Variants in APBB1 observed in about 807,000 individuals in gnomAD.
The protein encoded by APBB1 is adaptor protein FE65a2.
APBB1 carries 22 observed loss-of-function variants against 78.4 expected under a neutral mutation model. That is an observed-to-expected ratio of 0.28 (90% CI 0.20 to 0.40). The LOEUF (loss-of-function observed/expected upper bound fraction) is 0.40, where lower values mean the gene tolerates loss of function less well. Among genes scored for constraint, APBB1 ranks in the 10% least tolerant of loss-of-function variants. APBB1 has a pLI of 1.00. For missense variants in APBB1, 749 were observed against 932.4 expected, an observed-to-expected ratio of 0.80 and a Z score of 2.56; for synonymous variants, 369 against 372.7, an observed-to-expected ratio of 0.99 and a Z score of 0.12.
intron 12 of APBB1, among the ~76,000 whole-genome samples, chr11:6,399,459 T>A (rs1848387282): frequency 6.6e-6 from 1 of 152,206 alleles, no homozygotes; most frequent in Admixed American, 6.5e-5. Flanking sequence ...TTAGGAGTCA[T>A]CCTTGTCCCT....
rs915435526 is a variant in APBB1 at position 6,395,436 on chromosome 11, C to T, written c.*98G>A. The T allele has an allele frequency of 7.5e-7, 1 of 1,338,828 alleles. No homozygotes were observed. The highest frequency in any genetic ancestry group is 3.3e-5 in the Admixed American group (1 of 30,622). 82.9% of individuals were successfully genotyped at this position (1,338,828 alleles called of 1,614,324 possible). ...ACTGGGGAGGGGCATATTTGGGAGGCCTGAGGCCTAGGAATAGCCTCTAGA... is the reference window on the plus strand; with the variant it reads ...ACTGGGGAGGGGCATATTTGGGAGGTCTGAGGCCTAGGAATAGCCTCTAGA... On this transcript the variant is annotated 3_prime_UTR_variant, in exon 15 of 15. Coordinates refer to ENST00000609360, the MANE Select transcript of APBB1 (RefSeq NM_001164.5). This position sits in a 1 kb window ranked among gnomAD's most constrained non-coding sequence, Gnocchi z 5.2.
intron 12 of APBB1, among the ~76,000 whole-genome samples, chr11:6,399,184 C>G (rs1334024599): frequency 6.6e-6 from 1 of 152,164 alleles, no homozygotes; most frequent in Non-Finnish European, 1.5e-5. Flanking sequence ...TTTCCAGGGC[C>G]AAGCTACTCT....
intron 12 of APBB1, among the ~76,000 whole-genome samples, chr11:6,398,905 T>A (rs1291933832): frequency 6.6e-6 from 1 of 152,266 alleles, no homozygotes; most frequent in African/African-American, 2.4e-5. Context: ...CTCCCAGGTC[T>A]AGCTTTCCTG....
chr11:6,395,502 C>T lies in APBB1; in HGVS notation c.*32G>A. ...CACCCTTTAGTTCCCTGGGGCCCAA[C>T]ACAAGCAGGTGGAGGGAAGGTGGGG... On this transcript the variant is annotated 3_prime_UTR_variant, in exon 15 of 15. Coordinates refer to ENST00000609360, the MANE Select transcript of APBB1 (RefSeq NM_001164.5). The surrounding 1 kb of genome is among the most constrained non-coding windows in gnomAD (Gnocchi z 5.2). 2.0e-6 allele frequency: 3 copies of T among 1,514,300 alleles called. No individual in the cohort carries two copies. The highest frequency in any genetic ancestry group is 2.6e-6 in the Non-Finnish European group (3 of 1,132,428). 93.8% of individuals were successfully genotyped at this position (1,514,300 alleles called of 1,614,324 possible).
chr11:6,405,355 G>A, intron 2 of APBB1: 1 of 986,814 alleles, frequency 1.0e-6, no homozygotes, highest in South Asian at 4.7e-5. Flanking sequence ...GGCTGGGCTT[G>A]GGGCTTCCCA....
chr11:6,406,508 C>G (rs1295793635), intron 2 of APBB1, among the ~76,000 whole-genome samples: 2 of 152,294 alleles, frequency 1.3e-5, no homozygotes, highest in East Asian at 3.9e-4. Flanking sequence ...TTCTGAGATG[C>G]TAAACTAATC....
Position 6,411,098 on chromosome 11 carries a change from G to T in APBB1, c.250C>A (p.His84Asn), listed in dbSNP as rs1338637247. The change falls in exon 2 of 15, where the codon CAC becomes AAC. Residue 84 changes from histidine to asparagine, a missense_variant. Coordinates refer to ENST00000609360, the MANE Select transcript of APBB1 (RefSeq NM_001164.5). The surrounding 1 kb of genome is among the most constrained non-coding windows in gnomAD (Gnocchi z 5.2). ...GTCACATTGCGATTCTGGTCACGGT[G>T]GGCCGTGGCGGCCCGCCGGAGCTGG... ...QNQLRRAATA[H>N]RDQNRNVTLT... 6.2e-7 allele frequency: 1 copy of T among 1,612,792 alleles called. No homozygotes were observed. Among genetic ancestry groups the T allele is most frequent in the Non-Finnish European group, 8.5e-7 (1 of 1,180,026 alleles).
At chr11:6,409,570 G>A (rs1414777615) in intron 2 of APBB1, among the ~76,000 whole-genome samples, 4 of 152,158 alleles carry the variant, frequency 2.6e-5, no homozygotes, top group Admixed American at 6.6e-5. Context: ...TTTTTCGAAA[G>A]GGGATGGTGT....
chr11:6,395,917 G>C lies in APBB1; in HGVS notation c.1834C>G (p.Leu612Val). 6.2e-7 allele frequency: 1 copy of C among 1,614,000 alleles called. No individual in the cohort carries two copies. Among genetic ancestry groups the C allele is most frequent in the Admixed American group, 1.7e-5 (1 of 60,006 alleles). ...GTGTGGACATCTCTGCCCACGGCCA[G>C]GAAGGAGAGGAAACGCACCCGACAC... ...GECRVRFLSFLAVGRDVHTFA... is the reference protein window; with the variant it reads ...GECRVRFLSFVAVGRDVHTFA... The change falls in exon 14 of 15, where the codon CTG (leucine) becomes GTG (valine). Residue 612 changes from leucine to valine, a missense_variant. Leu to Val is a conservative substitution (Grantham distance 32). This residue lies in a region of APBB1 where 18 missense variants were observed against 51.4 expected (regional missense o/e 0.35). Transcript: ENST00000609360. This position sits in a 1 kb window ranked among gnomAD's most constrained non-coding sequence, Gnocchi z 5.2.
At chr11:6,400,487 A>C (rs1848445184) in intron 12 of APBB1, among the ~76,000 whole-genome samples, 1 of 151,198 alleles carries the variant, frequency 6.6e-6, no homozygotes, top group African/African-American at 2.4e-5. Context: ...GGTTGCAGTG[A>C]GCTAAGATCA....
intron 1 of APBB1, among the ~76,000 whole-genome samples, chr11:6,412,046 C>T (rs1481883226): frequency 6.6e-6 from 1 of 152,230 alleles, no homozygotes; most frequent in African/African-American, 2.4e-5. Flanking sequence ...TCCCCTTGGG[C>T]ACTGGTCCCT....
chr11:6,398,205 TG>T (rs1848328268), intron 12 of APBB1, among the ~76,000 whole-genome samples: 1 of 152,110 alleles, frequency 6.6e-6, no homozygotes, highest in Non-Finnish European at 1.5e-5. Flanking sequence ...CCCCTAATCC[TG>T]CTGTGCTTTT....
At chr11:6,412,298 G>T (rs547640701) in intron 1 of APBB1, among the ~76,000 whole-genome samples, 220 of 152,296 alleles carry the variant, frequency 1.4e-3, no homozygotes, top group Non-Finnish European at 2.6e-3. Flanking sequence ...GATTACAGGT[G>T]CCCACCACCA....
Position 6,411,115 on chromosome 11 carries a change from C to T in APBB1, c.233G>A (p.Arg78Gln), listed in dbSNP as rs1412722782. 1.2e-6 allele frequency: 2 copies of T among 1,612,214 alleles called. No individual in the cohort carries two copies. The highest frequency in any genetic ancestry group is 1.3e-5 in the African/African-American group (1 of 75,064). Residue 78 changes from arginine to glutamine, a missense_variant, in exon 2 of 15, where the codon CGG (arginine) becomes CAG (glutamine). Arg to Gln is a conservative substitution (Grantham distance 43). Transcript: ENST00000609360. The surrounding 1 kb of genome is among the most constrained non-coding windows in gnomAD (Gnocchi z 5.2). ...KWLKEGQNQL[R>Q]RAATAHRDQN... ...GTCACGGTGGGCCGTGGCGGCCCGCCGGAGCTGGTTCTGGCCCTCTTTTAG... is the reference window on the plus strand; with the variant it reads ...GTCACGGTGGGCCGTGGCGGCCCGCTGGAGCTGGTTCTGGCCCTCTTTTAG...
At position 6,411,137 on chromosome 11, in the gene APBB1, T is replaced by G; in HGVS notation, c.211A>C (p.Lys71Gln). ...EPGPANAKWL[K>Q]EGQNQLRRAA... ...CGCCGGAGCTGGTTCTGGCCCTCTTTTAGCCACTTGGCATTGGCAGGGCCT... is the reference window on the plus strand; with the variant it reads ...CGCCGGAGCTGGTTCTGGCCCTCTTGTAGCCACTTGGCATTGGCAGGGCCT... Residue 71 changes from lysine to glutamine, a missense_variant, in exon 2 of 15, where the codon AAA becomes CAA. Physicochemically the swap from Lys to Gln is moderately conservative, Grantham distance 53. Transcript: ENST00000609360. The surrounding 1 kb of genome is among the most constrained non-coding windows in gnomAD (Gnocchi z 5.2). 1 of 1,610,934 alleles carries G rather than the reference T, an allele frequency of 6.2e-7. No homozygotes were observed. Among genetic ancestry groups the G allele is most frequent in the Non-Finnish European group, 8.5e-7 (1 of 1,179,876 alleles).
chr11:6,414,497 G>A (rs571130471), intron 1 of APBB1, among the ~76,000 whole-genome samples: 2 of 152,316 alleles, frequency 1.3e-5, no homozygotes, highest in South Asian at 2.1e-4. Flanking sequence ...AGGAAAGGAC[G>A]GATGAACGGG....
At chr11:6,402,468 AAT>A in intron 7 of APBB1, 106 bp downstream of exon 7, 1 of 1,311,244 alleles carries the variant, frequency 7.6e-7, no homozygotes, top group East Asian at 2.3e-5. Context: ...AGGATGGGCC[AAT>A]ATCCCCCTTC....
intron 7 of APBB1, 116 bp downstream of exon 7, chr11:6,402,460 G>A: frequency 7.9e-7 from 1 of 1,264,494 alleles, no homozygotes; most frequent in Non-Finnish European, 1.1e-6. Flanking sequence ...TGCCACTTAG[G>A]ATGGGCCAAT....
At chr11:6,409,653 G>GTATCTATTCTCCT (rs1848909422) in intron 2 of APBB1, among the ~76,000 whole-genome samples, 1 of 146,248 alleles carries the variant, frequency 6.8e-6, no homozygotes, top group African/African-American at 2.8e-5. Flanking sequence ...TATTGTGTCC[G>GTATCTATTCTCCT]CCACCTGGTA....
Sources: gnomAD v4.1 joint callset for allele counts (sites outside exome capture counted in the v4.1 genomes callset) on GRCh38, gnomAD v4.1.1 for gene constraint, gnomAD v4.1.1 regional missense constraint, Gnocchi (gnomAD v3.1) non-coding constraint, MANE v1.5 for transcripts, NCBI Gene and HGNC (gene_info 2026-07-23, HGNC 2026-07-21) for gene names.